EFL1: variants seen among roughly 807,000 people sequenced by gnomAD.
The protein encoded by EFL1 is elongation factor-like GTPase 1.
In EFL1, 76 loss-of-function variants were observed where a neutral mutation model predicts 126.7. The ratio of observed to expected loss-of-function variants is 0.60; its 90% CI spans 0.50 to 0.73. The LOEUF is 0.73. EFL1 is among the 30% of genes least tolerant of loss of function. The probability of loss-of-function intolerance (pLI) is 0.00; values close to 1 mark genes in which losing one functional copy is unlikely to be tolerated. For missense variants in EFL1, 1,128 were observed against 1,343.2 expected (o/e 0.84, Z 2.50); for synonymous variants, 410 against 448.4 (o/e 0.91, Z 1.08).
chr15:82,211,549 T>TACAC (rs35812924), intron 15 of EFL1, among the ~76,000 whole-genome samples: 3,607 of 94,338 alleles, frequency 0.038, 147 homozygotes, highest in South Asian at 0.066. Context: ...AAAATCTATA[T>TACAC]ACACACACAC....
intron 15 of EFL1, among the ~76,000 whole-genome samples, chr15:82,191,012 T>A (rs1160576007): frequency 4.0e-5 from 6 of 151,546 alleles, no homozygotes; most frequent in African/African-American, 1.5e-4. Context: ...CTTATTGGTA[T>A]CCCTACTGTA....
chr15:82,225,243 T>C lies in EFL1; in HGVS notation c.1214A>G (p.Glu405Gly). 1 of 1,609,792 alleles carries C rather than the reference T, an allele frequency of 6.2e-7. No individual in the cohort carries two copies. The highest frequency in any genetic ancestry group is 8.5e-7 in the Non-Finnish European group (1 of 1,178,614). ...AAATATAATAACTGGAGCAGTGTCC[T>C]CACTTCCACATTTCATAAAAGCTAA... is the stretch of plus-strand genomic sequence containing the variant. ...LKAAFMKCGS[E>G]DTAPVIIFVS... Residue 405 changes from glutamate to glycine, a missense_variant, in exon 12 of 20, where the codon GAG becomes GGG. Physicochemically the swap from Glu to Gly is moderately conservative, Grantham distance 98 (BLOSUM62 -2). Coordinates refer to ENST00000268206, the MANE Select transcript of EFL1 (RefSeq NM_024580.6).
intron 8 of EFL1, among the ~76,000 whole-genome samples, 178 bp from the exon 9 acceptor site, chr15:82,229,288 A>G (rs868284916): frequency 9.8e-5 from 15 of 152,314 alleles, no homozygotes; most frequent in Admixed American, 7.8e-4. Context: ...TCCACAATCA[A>G]TAATAATCCA....
rs558157420 is a variant in EFL1, at chr15:82,180,643, A to G, written c.1751-16659T>C. Among the ~76,000 whole-genome samples, 8 of 152,312 alleles carry G rather than the reference A, an allele frequency of 5.3e-5. No individual in the cohort carries two copies. The East Asian group carries it at 1.3e-3, about 26-fold the overall frequency. Reference sequence around the variant, plus strand: ...TTTATAAAAAGTAAAGTAGAATAAAATAACATTAATCATATAAGATCCTTC... The same window carrying G: ...TTTATAAAAAGTAAAGTAGAATAAAGTAACATTAATCATATAAGATCCTTC... On this transcript the variant is annotated intron_variant, in intron 15 of 19. Coordinates refer to ENST00000268206, the MANE Select transcript of EFL1 (RefSeq NM_024580.6).
chr15:82,156,473 G>C (rs1006812908), intron 17 of EFL1, among the ~76,000 whole-genome samples: 7 of 152,044 alleles, frequency 4.6e-5, no homozygotes, highest in African/African-American at 1.7e-4. Context: ...TTAGTAGAGA[G>C]GGAGTTTCAC....
At chr15:82,157,128 G>C (rs2073976539) in intron 17 of EFL1, among the ~76,000 whole-genome samples, 1 of 152,174 alleles carries the variant, frequency 6.6e-6, no homozygotes, top group Admixed American at 6.5e-5. Flanking sequence ...GCATAGAACA[G>C]TGCAGATTTA....
intron 4 of EFL1, among the ~76,000 whole-genome samples, chr15:82,251,993 T>C (rs1024532573): frequency 2.0e-5 from 3 of 152,228 alleles, no homozygotes; most frequent in African/African-American, 4.8e-5. Flanking sequence ...ATATATAATA[T>C]ATTTTTATTA....
chr15:82,237,808 A>C (rs936258547), intron 7 of EFL1, among the ~76,000 whole-genome samples: 7 of 152,058 alleles, frequency 4.6e-5, no homozygotes, highest in African/African-American at 1.4e-4. Context: ...CATCCACACC[A>C]TGGAATACTA....
intron 15 of EFL1, among the ~76,000 whole-genome samples, chr15:82,194,360 C>T (rs892348911): frequency 2.0e-5 from 3 of 152,138 alleles, no homozygotes; most frequent in Admixed American, 6.5e-5. Flanking sequence ...ATGAATCCGG[C>T]GCCATTCTCA....
chr15:82,219,429 G>A (rs2074684593), intron 14 of EFL1, among the ~76,000 whole-genome samples: 1 of 152,112 alleles, frequency 6.6e-6, no homozygotes, highest in Non-Finnish European at 1.5e-5. Flanking sequence ...AATTAAACAA[G>A]GCCTGAAAAT....
At chr15:82,197,593 T>C (rs1344242444) in intron 15 of EFL1, among the ~76,000 whole-genome samples, 1 of 152,222 alleles carries the variant, frequency 6.6e-6, no homozygotes, top group Non-Finnish European at 1.5e-5. Flanking sequence ...TTCATAATAA[T>C]GCTTTTTTCC....
intron 16 of EFL1, among the ~76,000 whole-genome samples, chr15:82,159,556 T>C (rs1335750786): frequency 6.6e-6 from 1 of 151,994 alleles, no homozygotes; most frequent in African/African-American, 2.4e-5. Flanking sequence ...CGCTGACAGC[T>C]ATTTGGTTGC....
intron 15 of EFL1, among the ~76,000 whole-genome samples, chr15:82,172,120 CA>C (rs1482204028): frequency 6.6e-6 from 1 of 150,934 alleles, no homozygotes; most frequent in Non-Finnish European, 1.5e-5. Context: ...AAGGTAAATG[CA>C]AATTAAAACC....
rs187506210 is a variant in EFL1, at chr15:82,252,116, C to T, written c.244+575G>A. ...TATTAAACATTTGTTTTAACAGCTGCACAGTATTTCACTGCTTGGATATAT... is the reference window on the plus strand; with the variant it reads ...TATTAAACATTTGTTTTAACAGCTGTACAGTATTTCACTGCTTGGATATAT... On this transcript the variant is annotated intron_variant, in intron 4 of 19. Transcript: ENST00000268206. Among the ~76,000 whole-genome samples the T allele has an allele frequency of 5.9e-5, 9 of 152,320 alleles. No homozygotes were observed. The East Asian group carries it at 1.5e-3, about 26-fold the overall frequency.
intron 6 of EFL1, among the ~76,000 whole-genome samples, chr15:82,239,830 A>G (rs1380169843): frequency 6.6e-6 from 1 of 152,130 alleles, no homozygotes; most frequent in African/African-American, 2.4e-5. Context: ...CTTCCATTTT[A>G]AGACTTCTAA....
intron 15 of EFL1, among the ~76,000 whole-genome samples, chr15:82,205,869 T>G (rs1417011987): frequency 1.4e-4 from 21 of 152,222 alleles, no homozygotes; most frequent in Non-Finnish European, 1.5e-5. Flanking sequence ...TCAAAAGAAC[T>G]TATATAGTCA....
Position 82,163,886 on chromosome 15 carries a change from T to G in EFL1, c.1849A>C (p.Ile617Leu), listed in dbSNP as rs1128431. ...TTTGGTTCAACAGCAACTCTCACAA[T>G]AGGAGTGGCTTCGAAGTTGAGTGGT... ...FIPLNFEATP[I>L]VRVAVEPKHP... The change falls in exon 16 of 20, where the codon ATT becomes CTT. Residue 617 changes from isoleucine (I) to leucine (L), a missense_variant. By Grantham distance (5) the Ile-to-Leu change is conservative. This residue lies in a region of EFL1 where 561 missense variants were observed against 641.7 expected (regional missense o/e 0.87). Coordinates refer to ENST00000268206, the MANE Select transcript of EFL1 (RefSeq NM_024580.6). 29 of 1,613,962 alleles carry G rather than the reference T, an allele frequency of 1.8e-5. No homozygotes were observed. The highest frequency in any genetic ancestry group is 2.2e-5 in the Non-Finnish European group (26 of 1,179,966).
intron 15 of EFL1, among the ~76,000 whole-genome samples, chr15:82,179,557 A>G (rs1168520124): frequency 1.3e-5 from 2 of 152,108 alleles, no homozygotes; most frequent in Non-Finnish European, 2.9e-5. Context: ...CTTCTAGACC[A>G]CAGCTTTTTT....
At position 82,142,785 on chromosome 15, in the gene EFL1, T is replaced by C. The variant is rs186398916; in HGVS notation, c.2990-3943A>G. 5.6e-3 allele frequency among the ~76,000 whole-genome samples: 846 copies of C among 152,214 alleles called. 3 individuals carry two copies. The highest frequency in any genetic ancestry group is 0.012 in the Admixed American group (190 of 15,296). ...ACTCACTGTCCACAGGCAAAACCATTTGAGGTTTTGCCAACTCTAAGCTCA... is the reference window on the plus strand; with the variant it reads ...ACTCACTGTCCACAGGCAAAACCATCTGAGGTTTTGCCAACTCTAAGCTCA... On this transcript the variant is annotated intron_variant, in intron 18 of 19. Coordinates refer to ENST00000268206, the MANE Select transcript of EFL1 (RefSeq NM_024580.6).
Sources: gnomAD v4.1 joint callset for allele counts (sites outside exome capture counted in the v4.1 genomes callset) on GRCh38, gnomAD v4.1.1 for gene constraint, gnomAD v4.1.1 regional missense constraint, MANE v1.5 for transcripts, NCBI Gene and HGNC (gene_info 2026-07-23, HGNC 2026-07-21) for gene names.